The following LAMA2 variants were observed in gnomAD, a reference collection of about 807,000 sequenced individuals.
LAMA2 encodes laminin subunit alpha 2.
In LAMA2, 269 loss-of-function variants were observed where a neutral mutation model predicts 364.8. The ratio of observed to expected loss-of-function variants is 0.74; its 90% CI spans 0.67 to 0.82. The LOEUF is 0.82. LAMA2 is among the 40% of genes least tolerant of loss of function. The pLI, the probability that LAMA2 is intolerant of heterozygous loss-of-function variation, is 0.00. For missense variants in LAMA2, 3,807 were observed against 3,873.2 expected, an observed-to-expected ratio of 0.98 and a Z score of 0.45; for synonymous variants, 1,379 against 1,370.6, an observed-to-expected ratio of 1.01 and a Z score of -0.14.
intron 12 of LAMA2, among the ~76,000 whole-genome samples, chr6:129,221,773 A>C (rs1025093322): frequency 6.6e-6 from 1 of 152,196 alleles, no homozygotes; most frequent in Admixed American, 6.5e-5. Context: ...TTGTGCACCC[A>C]GATAAACACA....
intron 1 of LAMA2, among the ~76,000 whole-genome samples, chr6:128,912,523 T>G (rs1046764066): frequency 2.0e-5 from 3 of 151,378 alleles, no homozygotes; most frequent in African/African-American, 7.2e-5. Context: ...ATTCATTTGT[T>G]AGTTGTTTAA....
At chr6:129,031,114 A>G (rs1314452852) in intron 1 of LAMA2, among the ~76,000 whole-genome samples, 2 of 152,168 alleles carry the variant, frequency 1.3e-5, no homozygotes, top group Non-Finnish European at 2.9e-5. Flanking sequence ...TTCCCTGCAT[A>G]TTTATGTGTG....
At position 129,440,733 on chromosome 6, in the gene LAMA2, C is replaced by A. The variant is rs1043688158; in HGVS notation, c.6086-83C>A. 3 of 1,239,276 alleles carry A rather than the reference C, an allele frequency of 2.4e-6. No homozygotes were observed. The South Asian group carries it at 3.6e-5, about 15-fold the overall frequency. The allele number at this position is 1,239,276 out of a possible 1,614,324, so 76.8% of individuals were successfully genotyped here. On this transcript the variant is annotated intron_variant, in intron 42 of 64. Transcript: ENST00000421865. ...GTAAATGTGTCCGAGGTCAGCCAGCCACAGCCTCGCTTTGTCAAGCATGGA... is the reference window on the plus strand; with the variant it reads ...GTAAATGTGTCCGAGGTCAGCCAGCAACAGCCTCGCTTTGTCAAGCATGGA...
At chr6:128,968,236 G>C (rs1781972793) in intron 1 of LAMA2, among the ~76,000 whole-genome samples, 1 of 152,114 alleles carries the variant, frequency 6.6e-6, no homozygotes, top group African/African-American at 2.4e-5. Context: ...CCGTTCTGGG[G>C]AATATGGCTT....
intron 1 of LAMA2, among the ~76,000 whole-genome samples, chr6:129,019,404 A>G (rs1441955321): frequency 6.6e-6 from 1 of 151,264 alleles, no homozygotes; most frequent in Non-Finnish European, 1.5e-5. Context: ...TCAAATTTTT[A>G]CCTTGTTGTA....
intron 12 of LAMA2, among the ~76,000 whole-genome samples, chr6:129,197,775 C>T (rs1404080829): frequency 6.6e-6 from 1 of 152,118 alleles, no homozygotes; most frequent in Non-Finnish European, 1.5e-5. Flanking sequence ...AAATCAAGGA[C>T]TCATTTATTT....
At chr6:129,279,209 G>A (rs939043955) in intron 17 of LAMA2, among the ~76,000 whole-genome samples, 2 of 152,132 alleles carry the variant, frequency 1.3e-5, no homozygotes, top group African/African-American at 4.8e-5. Context: ...GCCCTTCAGA[G>A]AGCCAGTCGA....
At chr6:128,972,833 C>T (rs988669776) in intron 1 of LAMA2, among the ~76,000 whole-genome samples, 3 of 152,086 alleles carry the variant, frequency 2.0e-5, no homozygotes, top group African/African-American at 7.2e-5. Flanking sequence ...TTTAGTAATA[C>T]CTCGGGAACC....
intron 58 of LAMA2, among the ~76,000 whole-genome samples, chr6:129,496,889 T>C (rs1185378119): frequency 1.3e-5 from 2 of 152,228 alleles, no homozygotes; most frequent in Non-Finnish European, 2.9e-5. Context: ...TAATAATATC[T>C]TCCTTCTAGG....
At chr6:129,181,837 C>T (rs767335865) in intron 10 of LAMA2, among the ~76,000 whole-genome samples, 2 of 151,750 alleles carry the variant, frequency 1.3e-5, no homozygotes, top group Non-Finnish European at 2.9e-5. Flanking sequence ...TATAAATCCT[C>T]AGTTTGAGGA....
chr6:129,392,907 A>G, intron 36 of LAMA2, 138 bp from the exon 37 acceptor site: 1 of 670,726 alleles, frequency 1.5e-6, no homozygotes, highest in Non-Finnish European at 2.5e-6. Flanking sequence ...TTTAGCACAC[A>G]GTGAATCTAT....
At chr6:128,977,294 G>C (rs1355823152) in intron 1 of LAMA2, among the ~76,000 whole-genome samples, 4 of 129,588 alleles carry the variant, frequency 3.1e-5, no homozygotes, top group Non-Finnish European at 6.3e-5. Flanking sequence ...AGGTCTTGAC[G>C]TGTTGCCCAG....
chr6:129,183,318 C>A (rs1222936594), intron 10 of LAMA2, among the ~76,000 whole-genome samples: 1 of 151,898 alleles, frequency 6.6e-6, no homozygotes, highest in Non-Finnish European at 1.5e-5. Flanking sequence ...TAGAATCTCA[C>A]ACATAATATA....
intron 9 of LAMA2, among the ~76,000 whole-genome samples, chr6:129,166,208 T>A (rs535520811): frequency 6.6e-6 from 1 of 152,306 alleles, no homozygotes; most frequent in African/African-American, 2.4e-5. Flanking sequence ...TAATTTAAGC[T>A]AAAGCCTTCC....
intron 9 of LAMA2, among the ~76,000 whole-genome samples, chr6:129,174,279 A>G (rs1780418559): frequency 6.6e-6 from 1 of 152,116 alleles, no homozygotes; most frequent in Non-Finnish European, 1.5e-5. Flanking sequence ...ATATTTCATA[A>G]GGAAATTTTC....
In LAMA2 at chr6:129,503,054, A is replaced by G. The variant is rs372239403; in HGVS notation, c.8358-37A>G. The G allele has an allele frequency of 1.3e-5, 20 of 1,583,416 alleles. No homozygotes were observed. In the African/African-American group the frequency reaches 2.3e-4, roughly 18 times the overall value. ...TCTATTTTAGCATGAGAATGCTGTT[A>G]TTTTTCTGTTTGACTTTGCATGCTT... On this transcript the variant is annotated intron_variant, in intron 59 of 64. Coordinates refer to ENST00000421865, the MANE Select transcript of LAMA2 (RefSeq NM_000426.4).
At chr6:129,265,654 G>C (rs973631791) in intron 15 of LAMA2, among the ~76,000 whole-genome samples, 5 of 151,734 alleles carry the variant, frequency 3.3e-5, no homozygotes, top group African/African-American at 1.2e-4. Context: ...TTGGTTGTGG[G>C]GGTTGAAAAA....
intron 18 of LAMA2, among the ~76,000 whole-genome samples, chr6:129,287,074 AGAGG>A (rs1789310289): frequency 8.8e-5 from 1 of 11,354 alleles, no homozygotes; most frequent in South Asian, 6.3e-3. Context: ...AAGGGAGGAA[AGAGG>A]GAGGGAGGGA....
intron 3 of LAMA2, among the ~76,000 whole-genome samples, chr6:129,062,153 C>A (rs1788965093): frequency 6.6e-6 from 1 of 152,118 alleles, no homozygotes; most frequent in Non-Finnish European, 1.5e-5. Context: ...ACTTATTCAG[C>A]TATGGATGGT....
Sources: gnomAD v4.1 joint callset for allele counts (sites outside exome capture counted in the v4.1 genomes callset) on GRCh38, gnomAD v4.1.1 for gene constraint, MANE v1.5 for transcripts, NCBI Gene and HGNC (gene_info 2026-07-23, HGNC 2026-07-21) for gene names.